The following STRN3 variants were observed in gnomAD, a reference collection of about 807,000 sequenced individuals.
STRN3 encodes the protein striatin-3.
Under a neutral mutation model 95.6 loss-of-function variants are expected in STRN3, and 29 were observed. That is an observed-to-expected ratio of 0.30 (90% confidence interval 0.23 to 0.41). The LOEUF (loss-of-function observed/expected upper bound fraction) is 0.41. STRN3 is among the 10% of genes least tolerant of loss of function. The pLI, the probability that STRN3 is intolerant of heterozygous loss-of-function variation, is 1.00. For synonymous variants in STRN3, 331 were observed against 357.6 expected (o/e 0.93, Z 0.84); for missense variants, 890 against 972.1 (o/e 0.92, Z 1.12).
At chr14:30,926,647 CTTA>C (rs1475091227) in intron 8 of STRN3, among the ~76,000 whole-genome samples, 2 of 151,644 alleles carry the variant, frequency 1.3e-5, no homozygotes, top group African/African-American at 4.8e-5. Flanking sequence ...TATAATACTT[CTTA>C]TATTATCTGA....
At chr14:30,965,187 A>G (rs1880423160) in intron 1 of STRN3, among the ~76,000 whole-genome samples, 1 of 152,208 alleles carries the variant, frequency 6.6e-6, no homozygotes, top group Admixed American at 6.5e-5. Context: ...TTAACAGAAA[A>G]GAAATATGTC....
At chr14:30,947,662 T>G (rs1388807118) in intron 4 of STRN3, among the ~76,000 whole-genome samples, 1 of 152,100 alleles carries the variant, frequency 6.6e-6, no homozygotes, top group Non-Finnish European at 1.5e-5. Flanking sequence ...CAGTAAAGAA[T>G]GAGTAGAACT....
chr14:30,947,922 T>C (rs533390852), intron 4 of STRN3, among the ~76,000 whole-genome samples: 2 of 152,290 alleles, frequency 1.3e-5, no homozygotes, highest in African/African-American at 4.8e-5. Context: ...AATTAAAGTA[T>C]TTAAGAGGCT....
At chr14:30,973,719 TCAA>T (rs1225549602) in intron 1 of STRN3, among the ~76,000 whole-genome samples, 1 of 152,144 alleles carries the variant, frequency 6.6e-6, no homozygotes, top group African/African-American at 2.4e-5. Context: ...ACTAAAATTC[TCAA>T]CAAAATACTA....
rs189808033 is a variant in STRN3 at position 30,907,971 on chromosome 14, C to T, written c.1721-927G>A. ...ATGAATGACTATGCCTCATATTTCA[C>T]TGAGAAAATATAGCATTCAAATAAT... On this transcript the variant is annotated intron_variant, in intron 13 of 17. Coordinates refer to ENST00000357479, the MANE Select transcript of STRN3 (RefSeq NM_001083893.2). 1.4e-3 allele frequency among the ~76,000 whole-genome samples: 207 copies of T among 152,254 alleles called. 1 individual carries two copies. Among genetic ancestry groups the T allele is most frequent in the African/African-American group, 3.8e-3 (158 of 41,542 alleles).
chr14:30,909,513 C>G (rs140873997), intron 13 of STRN3, among the ~76,000 whole-genome samples: 1 of 152,250 alleles, frequency 6.6e-6, no homozygotes, highest in African/African-American at 2.4e-5. Context: ...GGGTCTCACT[C>G]TCTTCCCAGG....
intron 1 of STRN3, among the ~76,000 whole-genome samples, chr14:31,000,767 G>A (rs1174293387): frequency 6.6e-6 from 1 of 151,902 alleles, no homozygotes; most frequent in African/African-American, 2.4e-5. Context: ...TAGAATTTAA[G>A]CTTCAACAGG....
chr14:30,924,884 GAA>G (rs1268652388), intron 8 of STRN3, among the ~76,000 whole-genome samples: 3 of 152,124 alleles, frequency 2.0e-5, no homozygotes, highest in African/African-American at 7.2e-5. Flanking sequence ...AAAGGAAAGG[GAA>G]AAGCAAGTGT....
At chr14:30,897,630 T>C (rs907343777) in intron 16 of STRN3, among the ~76,000 whole-genome samples, 1 of 152,118 alleles carries the variant, frequency 6.6e-6, no homozygotes, top group Non-Finnish European at 1.5e-5. Context: ...ATTAAACACT[T>C]ATCAGTTGAA....
At chr14:30,957,454 A>AT in intron 1 of STRN3, among the ~76,000 whole-genome samples, 1 of 11,086 alleles carries the variant, frequency 9.0e-5, no homozygotes. Flanking sequence ...CTCCATTTCA[A>AT]AAAAAAAAAA....
At chr14:31,009,988 T>C (rs1484882212) in intron 1 of STRN3, among the ~76,000 whole-genome samples, 2 of 152,036 alleles carry the variant, frequency 1.3e-5, no homozygotes, top group Non-Finnish European at 2.9e-5. Context: ...CTCTAGTCCC[T>C]GCTTCTGAGG....
At chr14:30,929,953 G>GCAAAAAAAAAAAAAAAAA (rs1878401366) in intron 7 of STRN3, among the ~76,000 whole-genome samples, 1 of 7,870 alleles carries the variant, frequency 1.3e-4, no homozygotes, top group Non-Finnish European at 3.7e-4. Flanking sequence ...ACTAAGATTA[G>GCAAAAAAAAAAAAAAAAA]CAAAAAAAAA....
intron 3 of STRN3, among the ~76,000 whole-genome samples, chr14:30,955,188 T>C (rs937277708): frequency 2.0e-5 from 3 of 152,148 alleles, no homozygotes; most frequent in African/African-American, 7.2e-5. Flanking sequence ...TGACAACAAA[T>C]GGAAGCTCTA....
chr14:30,970,291 G>A (rs1880759026), intron 1 of STRN3, among the ~76,000 whole-genome samples: 1 of 152,134 alleles, frequency 6.6e-6, no homozygotes. Context: ...GGGAGATTTC[G>A]ATAAAGACCC....
In STRN3 at chr14:31,025,996, T is replaced by C; in HGVS notation, c.190A>G (p.Thr64Ala). 1 of 1,561,910 alleles carries C rather than the reference T, an allele frequency of 6.4e-7. No homozygotes were observed. Among genetic ancestry groups the C allele is most frequent in the Non-Finnish European group, 8.7e-7 (1 of 1,154,204 alleles). The change falls in exon 1 of 18, where the codon ACT becomes GCT. Residue 64 changes from threonine (T) to alanine (A), a missense_variant. Physicochemically the swap from Thr to Ala is moderately conservative, Grantham distance 58. Coordinates refer to ENST00000357479, the MANE Select transcript of STRN3 (RefSeq NM_001083893.2). Reference protein sequence around the residue: ...GPELSRPQQYTIPGILHYIQH... With the variant: ...GPELSRPQQYAIPGILHYIQH... ...ATGTAGTGCAGTATCCCCGGGATAG[T>C]GTACTGCTGCGGCCGGGACAGCTCG...
chr14:30,895,800 A>C, intron 16 of STRN3, 52 bp from the exon 17 acceptor site: 1 of 1,487,904 alleles, frequency 6.7e-7, no homozygotes, highest in Non-Finnish European at 9.2e-7. Flanking sequence ...TACTAACTCG[A>C]GACAACAGAA....
At position 30,915,881 on chromosome 14, in the gene STRN3, A is replaced by G. The variant is rs796985616; in HGVS notation, c.1241-2224T>C. 9.8e-5 allele frequency among the ~76,000 whole-genome samples: 15 copies of G among 152,360 alleles called. 1 individual carries two copies. Among genetic ancestry groups the G allele is most frequent in the African/African-American group, 3.4e-4 (14 of 41,594 alleles). On this transcript the variant is annotated intron_variant, in intron 9 of 17. Transcript: ENST00000357479. ...AGCATGTGAAGGGAAGTGTCTGGAC[A>G]TTAGTTTTACTCGAGTTTTGGCTTA...
At chr14:30,917,508 A>G (rs1015651555) in intron 9 of STRN3, among the ~76,000 whole-genome samples, 2 of 152,132 alleles carry the variant, frequency 1.3e-5, no homozygotes, top group African/African-American at 2.4e-5. Flanking sequence ...CATATTTGGC[A>G]AAACAGACCA....
At chr14:31,010,943 G>A (rs1345710317) in intron 1 of STRN3, among the ~76,000 whole-genome samples, 1 of 152,218 alleles carries the variant, frequency 6.6e-6, no homozygotes, top group Non-Finnish European at 1.5e-5. Flanking sequence ...GGAGGGTGAG[G>A]TGGGAGAATC....
Sources: allele counts gnomAD v4.1 joint callset (sites outside exome capture counted in the v4.1 genomes callset), GRCh38; gene constraint gnomAD v4.1.1; transcripts MANE v1.5; gene names NCBI Gene and HGNC (gene_info 2026-07-23, HGNC 2026-07-21).